The following TMEM164 variants were observed in gnomAD, a reference collection of about 807,000 sequenced individuals.
TMEM164 encodes transmembrane protein 164, also known as RP13-360B22.2.
In TMEM164, 4 loss-of-function variants were observed where a neutral mutation model predicts 18.8. The observed-to-expected ratio is 0.21, with a 90% confidence interval of 0.10 to 0.49. The LOEUF is 0.49. Ranked by LOEUF, TMEM164 falls within the 20% of genes least tolerant of loss-of-function variation. TMEM164 has a pLI of 0.98. For synonymous variants in TMEM164, 86 were observed against 101.7 expected, an observed-to-expected ratio of 0.85 and a Z score of 0.93; for missense variants, 108 against 239.9, an observed-to-expected ratio of 0.45 and a Z score of 3.63.
At chrX:110,106,085 AT>A (rs2147965418) in intron 3 of TMEM164, among the ~76,000 whole-genome samples, 1 of 112,439 alleles carries the variant, frequency 8.9e-6, no homozygotes, top group East Asian at 2.8e-4. Flanking sequence ...GTTTGTGATT[AT>A]TAATATGCAA....
At chrX:110,137,907 A>C (rs1164290727) in intron 4 of TMEM164, among the ~76,000 whole-genome samples, 1 of 112,032 alleles carries the variant, frequency 8.9e-6, no homozygotes, top group Non-Finnish European at 1.9e-5. Context: ...TTCCTTTGAG[A>C]AATAAAGAAG....
At chrX:110,076,649 A>G (rs1265922824) in intron 3 of TMEM164, among the ~76,000 whole-genome samples, 2 of 111,702 alleles carry the variant, frequency 1.8e-5, no homozygotes, top group African/African-American at 6.5e-5. Context: ...TGCATCCTAT[A>G]GATTTTCATA....
At chrX:110,049,013 A>T (rs920156702) in intron 2 of TMEM164, among the ~76,000 whole-genome samples, 2 of 112,388 alleles carry the variant, frequency 1.8e-5, no homozygotes, top group African/African-American at 6.5e-5. Flanking sequence ...TGTGTTAAAA[A>T]TACCATTTAG....
At chrX:110,159,511 G>A (rs2067063925) in intron 5 of TMEM164, among the ~76,000 whole-genome samples, 1 of 110,643 alleles carries the variant, frequency 9.0e-6, no homozygotes, top group Admixed American at 9.7e-5. Flanking sequence ...CTGTAGAGTT[G>A]AGGAGGTTCA....
At chrX:110,013,133 A>G (rs1258514715) in intron 2 of TMEM164, among the ~76,000 whole-genome samples, 1 of 112,220 alleles carries the variant, frequency 8.9e-6, no homozygotes, top group African/African-American at 3.2e-5. Flanking sequence ...CAGTCTCCTC[A>G]TGTCCATCAC....
intron 3 of TMEM164, among the ~76,000 whole-genome samples, chrX:110,074,441 G>GT (rs1278094995): frequency 9.0e-6 from 1 of 111,597 alleles, no homozygotes; most frequent in Non-Finnish European, 1.9e-5. Flanking sequence ...TTCTTTTGCT[G>GT]TGCAGAAGCT....
rs753621991 is a variant in TMEM164 at position 110,133,591 on chromosome X, A to G, written c.508-11207A>G. On this transcript the variant is annotated intron_variant, in intron 4 of 6. Coordinates refer to ENST00000372068, the MANE Select transcript of TMEM164 (RefSeq NM_032227.4). The stretch of plus-strand genomic sequence containing the variant: ...TGAGGTATTGAGGGTGAGGAATTCA[A>G]TGCATGAATTTGGGGAGAGACACAA... Among the ~76,000 whole-genome samples the G allele has an allele frequency of 3.6e-5, 4 of 112,090 alleles. No individual in the cohort carries two copies. The East Asian group carries it at 1.1e-3, about 31-fold the overall frequency.
At chrX:110,030,277 C>T (rs1379243078) in intron 2 of TMEM164, among the ~76,000 whole-genome samples, 1 of 107,385 alleles carries the variant, frequency 9.3e-6, no homozygotes, top group Non-Finnish European at 1.9e-5. Context: ...CATGCCACCA[C>T]ACCTGGCTAA....
At chrX:110,045,472 A>C (rs1205133624) in intron 2 of TMEM164, among the ~76,000 whole-genome samples, 1 of 111,551 alleles carries the variant, frequency 9.0e-6, no homozygotes, top group African/African-American at 3.3e-5. Context: ...GTATTTTACT[A>C]TGCCTTCTGG....
chrX:110,107,624 CTTCCCTTCTTCCCTTT>C (rs1423099740), intron 3 of TMEM164, among the ~76,000 whole-genome samples: 2 of 109,270 alleles, frequency 1.8e-5, no homozygotes, highest in East Asian at 5.8e-4. Flanking sequence ...GTCTGTCTCC[CTTCCCTTCTTCCCTTT>C]TTCCCTTCTT....
At chrX:110,081,893 G>A (rs1216550156) in intron 3 of TMEM164, among the ~76,000 whole-genome samples, 2 of 112,471 alleles carry the variant, frequency 1.8e-5, no homozygotes, top group Non-Finnish European at 3.8e-5. Flanking sequence ...GGGGTATGAC[G>A]TGTGCAGCAG....
chrX:110,126,282 C>A (rs1287890319), intron 4 of TMEM164, among the ~76,000 whole-genome samples: 1 of 111,913 alleles, frequency 8.9e-6, no homozygotes, highest in African/African-American at 3.3e-5. Flanking sequence ...CACCCCTCTC[C>A]TCCTGATCCA....
chrX:110,112,777 G>A (rs2066308775), intron 4 of TMEM164, among the ~76,000 whole-genome samples: 1 of 111,465 alleles, frequency 9.0e-6, no homozygotes, highest in Admixed American at 9.6e-5. Context: ...CACATCCCTA[G>A]TGTCTCTTGT....
At chrX:110,164,266 A>G (rs1291286741) in intron 5 of TMEM164, among the ~76,000 whole-genome samples, 1 of 111,591 alleles carries the variant, frequency 9.0e-6, no homozygotes, top group Non-Finnish European at 1.9e-5. Context: ...CATAATGAGA[A>G]GAACAATGGA....
intron 3 of TMEM164, among the ~76,000 whole-genome samples, chrX:110,091,302 G>A (rs776948835): frequency 6.1e-4 from 68 of 112,301 alleles, no homozygotes; most frequent in African/African-American, 2.0e-3. Flanking sequence ...CGCAATGGTT[G>A]AACTAGTTTA....
chrX:110,046,594 G>C, intron 2 of TMEM164: 1 of 505,304 alleles, frequency 2.0e-6, no homozygotes, highest in Non-Finnish European at 2.4e-6. Context: ...TTTCTCTTCT[G>C]GTGTCACTAG....
intron 5 of TMEM164, among the ~76,000 whole-genome samples, chrX:110,156,737 G>A (rs1305306994): frequency 9.0e-6 from 1 of 111,384 alleles, no homozygotes; most frequent in Non-Finnish European, 1.9e-5. Flanking sequence ...TCCTAGATGG[G>A]GTCTTCTCAC....
chrX:110,144,252 A>T (rs1195158817), intron 4 of TMEM164, among the ~76,000 whole-genome samples: 1 of 111,669 alleles, frequency 9.0e-6, no homozygotes, highest in East Asian at 2.8e-4. Context: ...CATCTGGAAT[A>T]TGGGGATAAT....
intron 4 of TMEM164, among the ~76,000 whole-genome samples, chrX:110,123,606 C>T (rs1447211540): frequency 2.7e-5 from 3 of 112,006 alleles, no homozygotes; most frequent in Admixed American, 9.5e-5. Context: ...GGTTAATGGA[C>T]ACTCTGAGCA....
Sources: gnomAD v4.1 joint callset for allele counts (sites outside exome capture counted in the v4.1 genomes callset) on GRCh38, gnomAD v4.1.1 for gene constraint, MANE v1.5 for transcripts, NCBI Gene and HGNC (gene_info 2026-07-23, HGNC 2026-07-21) for gene names.